The following SGCZ variants were observed in gnomAD, a reference collection of about 807,000 sequenced individuals.
SGCZ encodes the protein zeta-sarcoglycan.
In SGCZ, 40 loss-of-function variants were observed where a neutral mutation model predicts 41.3. That is an observed-to-expected ratio of 0.97 (90% CI 0.75 to 1.26). SGCZ has a LOEUF of 1.26. SGCZ is among the 50% of genes most tolerant of loss of function. The pLI is 0.00. For synonymous variants in SGCZ, 206 were observed against 137.5 expected (o/e 1.50, Z -3.49); for missense variants, 552 against 369.8 (o/e 1.49, Z -4.04).
At chr8:15,143,113 G>A (rs1200105455) in intron 1 of SGCZ, among the ~76,000 whole-genome samples, 1 of 152,296 alleles carries the variant, frequency 6.6e-6, no homozygotes, top group South Asian at 2.1e-4. Context: ...AATACCATAT[G>A]TGGATAATGT....
At chr8:15,045,559 A>G (rs938459848) in intron 1 of SGCZ, among the ~76,000 whole-genome samples, 4 of 152,092 alleles carry the variant, frequency 2.6e-5, no homozygotes, top group African/African-American at 7.2e-5. Flanking sequence ...CCAGTGATAA[A>G]GTAGTTCCAA....
chr8:14,092,310 T>C (rs1397821628), intron 7 of SGCZ, among the ~76,000 whole-genome samples: 1 of 152,118 alleles, frequency 6.6e-6, no homozygotes, highest in East Asian at 1.9e-4. Flanking sequence ...GGCTCTTTTT[T>C]GGTTCCATAT....
intron 2 of SGCZ, among the ~76,000 whole-genome samples, chr8:14,475,268 C>G (rs1279705904): frequency 6.6e-6 from 1 of 152,048 alleles, no homozygotes; most frequent in Non-Finnish European, 1.5e-5. Context: ...TTATCACCTT[C>G]TAGAAGTGGT....
intron 2 of SGCZ, among the ~76,000 whole-genome samples, chr8:14,457,809 TA>T (rs1229896625): frequency 1.3e-5 from 2 of 152,140 alleles, no homozygotes. Flanking sequence ...TCACATTTTT[TA>T]CCCTGCCCCT....
chr8:14,984,506 G>T (rs370831119), intron 1 of SGCZ, among the ~76,000 whole-genome samples: 25 of 151,432 alleles, frequency 1.7e-4, no homozygotes, highest in East Asian at 5.8e-4. Flanking sequence ...ATCTGATATT[G>T]TTTTATAACA....
intron 1 of SGCZ, among the ~76,000 whole-genome samples, chr8:14,731,371 A>G (rs549286763): frequency 1.6e-4 from 24 of 145,800 alleles, no homozygotes; most frequent in African/African-American, 5.5e-4. Context: ...AACATCACAC[A>G]CTGGGGTCTG....
intron 2 of SGCZ, among the ~76,000 whole-genome samples, chr8:14,531,788 T>A (rs1803141259): frequency 6.6e-6 from 1 of 152,056 alleles, no homozygotes. Flanking sequence ...TCTAAGACCA[T>A]CCACTAGGAA....
chr8:14,404,387 A>G (rs192006772), intron 2 of SGCZ, among the ~76,000 whole-genome samples: 189 of 151,340 alleles, frequency 1.2e-3, no homozygotes, highest in African/African-American at 4.4e-3. Flanking sequence ...TTTAAAGGAG[A>G]CTGTATTCAG....
intron 1 of SGCZ, among the ~76,000 whole-genome samples, chr8:15,106,468 C>T (rs1456770507): frequency 6.6e-6 from 1 of 151,960 alleles, no homozygotes; most frequent in Non-Finnish European, 1.5e-5. Flanking sequence ...ACATTTATGT[C>T]CAGATAGGCT....
At chr8:15,039,387 C>T (rs540584727) in intron 1 of SGCZ, among the ~76,000 whole-genome samples, 1 of 152,196 alleles carries the variant, frequency 6.6e-6, no homozygotes, top group South Asian at 2.1e-4. Context: ...AGACAAATAC[C>T]GCATGATATT....
chr8:14,952,919 G>C (rs1045578382), intron 1 of SGCZ, among the ~76,000 whole-genome samples: 7 of 152,112 alleles, frequency 4.6e-5, no homozygotes, highest in South Asian at 4.1e-4. Flanking sequence ...CTTGGATTCA[G>C]CTACAAATGA....
intron 3 of SGCZ, among the ~76,000 whole-genome samples, chr8:14,313,951 TGTG>T (rs1311742841): frequency 7.0e-6 from 1 of 142,084 alleles, no homozygotes; most frequent in East Asian, 2.1e-4. Flanking sequence ...TGTGTGTGTG[TGTG>T]TTGGTGGAGA....
intron 1 of SGCZ, among the ~76,000 whole-genome samples, chr8:14,751,220 C>T (rs147646666): frequency 0.011 from 1,619 of 152,244 alleles, 7 homozygotes; most frequent in Middle Eastern, 0.017. Flanking sequence ...TAAAGATAGA[C>T]ACAGTCTCTC....
chr8:14,603,079 G>C (rs924613671), intron 1 of SGCZ, among the ~76,000 whole-genome samples: 2 of 152,100 alleles, frequency 1.3e-5, no homozygotes, highest in Non-Finnish European at 2.9e-5. Context: ...GACATACGCC[G>C]GGGGCAACCC....
In SGCZ at chr8:14,640,607, C is replaced by CATAT. The variant is rs61327556; in HGVS notation, c.40-85685_40-85682dup. On this transcript the variant is annotated intron_variant, in intron 1 of 7. Transcript: ENST00000382080. The stretch of plus-strand genomic sequence containing the variant: ...AAAGTTGATAAACCAAAACACCACA[C>CATAT]ATATATATATACACACATATATGTG... 5.3e-5 allele frequency among the ~76,000 whole-genome samples: 8 copies of CATAT among 151,090 alleles called. No homozygotes were observed. The East Asian group carries it at 5.9e-4, about 11-fold the overall frequency.
chr8:14,646,268 G>A (rs1013065948), intron 1 of SGCZ, among the ~76,000 whole-genome samples: 6 of 151,838 alleles, frequency 4.0e-5, no homozygotes, highest in African/African-American at 1.5e-4. Flanking sequence ...AGCACACAAT[G>A]TTTAGTTCCC....
intron 1 of SGCZ, among the ~76,000 whole-genome samples, chr8:14,611,328 G>C (rs964004394): frequency 1.7e-5 from 1 of 58,120 alleles, no homozygotes; most frequent in Non-Finnish European, 4.6e-5. Flanking sequence ...GAATATGTGG[G>C]TCTATGTGTG....
At chr8:14,877,221 C>G (rs906700817) in intron 1 of SGCZ, among the ~76,000 whole-genome samples, 1 of 152,108 alleles carries the variant, frequency 6.6e-6, no homozygotes, top group African/African-American at 2.4e-5. Context: ...ATCCGCCAGC[C>G]TTAGCCTCTC....
rs571037819 is a variant in SGCZ, at chr8:14,130,684, G to A, written c.548-22449C>T. Reference sequence around the variant, plus strand: ...GCCACTAAATCATTTATTTTCTAACGAAAAACAGCTTGAAAAATCAAGCTG... The same window carrying A: ...GCCACTAAATCATTTATTTTCTAACAAAAAACAGCTTGAAAAATCAAGCTG... On this transcript the variant is annotated intron_variant, in intron 5 of 7. Coordinates refer to ENST00000382080, the MANE Select transcript of SGCZ (RefSeq NM_139167.4). 7.9e-5 allele frequency among the ~76,000 whole-genome samples: 12 copies of A among 152,200 alleles called. No homozygotes were observed. In the East Asian group the frequency reaches 1.9e-3, roughly 25 times the overall value.
Sources: gnomAD v4.1 joint callset for allele counts (sites outside exome capture counted in the v4.1 genomes callset) on GRCh38, gnomAD v4.1.1 for gene constraint, MANE v1.5 for transcripts, NCBI Gene and HGNC (gene_info 2026-07-23, HGNC 2026-07-21) for gene names.